Variants in CFAP97 observed in about 807,000 individuals in gnomAD.
CFAP97 encodes the protein cilia- and flagella-associated protein 97.
A neutral mutation model predicts 43.1 loss-of-function variants in CFAP97; 36 were observed. The ratio of observed to expected loss-of-function variants is 0.84; its 90% CI spans 0.64 to 1.10. CFAP97 has a LOEUF of 1.10. CFAP97 is among the 50% of genes least tolerant of loss of function. The pLI, the probability that CFAP97 is intolerant of heterozygous loss-of-function variation, is 0.00. For missense variants in CFAP97, 657 were observed against 620.3 expected (o/e 1.06, Z -0.63); for synonymous variants, 228 against 225.7 (o/e 1.01, Z -0.09).
chr4:185,198,129 G>A (rs6849724), intron 1 of CFAP97, among the ~76,000 whole-genome samples: 76,216 of 151,602 alleles, frequency 0.5, 19,347 homozygotes, highest in East Asian at 0.6. Context: ...ACCTGAGGCT[G>A]TCTCATAAGG....
At chr4:185,207,171 C>A (rs1737222737), upstream of CFAP97, among the ~76,000 whole-genome samples, 1 of 150,540 alleles carries the variant, frequency 6.6e-6, no homozygotes, top group South Asian at 2.1e-4. Flanking sequence ...CAGGTAATCC[C>A]AATCCAGTCA....
rs1486606306 is a variant in CFAP97, at chr4:185,199,201, C to T, written c.-17+4697G>A. On this transcript the variant is annotated intron_variant, in intron 1 of 4. Transcript: ENST00000458385. ...CAGCCTGAGCAACAGGGCGAAACCC[C>T]ATCTCTACAAAAAGAGAAAAATTAG... 2.6e-5 allele frequency among the ~76,000 whole-genome samples: 4 copies of T among 152,102 alleles called. 1 individual carries two copies. Among genetic ancestry groups the T allele is most frequent in the Non-Finnish European group, 5.9e-5 (4 of 68,020 alleles).
chr4:185,209,952 G>A, upstream of CFAP97: 1 of 983,656 alleles, frequency 1.0e-6, no homozygotes, highest in Non-Finnish European at 1.2e-6. This position sits in a 1 kb window ranked among gnomAD's most constrained non-coding sequence, Gnocchi z 5.2. Flanking sequence ...GGGACGCGGA[G>A]GCAGCAGCAG....
upstream of CFAP97, among the ~76,000 whole-genome samples, chr4:185,205,911 G>A (rs1382502259): frequency 6.6e-6 from 1 of 152,092 alleles, no homozygotes; most frequent in Non-Finnish European, 1.5e-5. Context: ...TATACCAATG[G>A]CCAATAAACA....
intron 2 of CFAP97, among the ~76,000 whole-genome samples, chr4:185,176,605 T>C (rs1036766630): frequency 1.3e-5 from 2 of 152,188 alleles, no homozygotes; most frequent in Non-Finnish European, 2.9e-5. Context: ...AAAATGTATA[T>C]AGTACTGGTC....
chr4:185,181,811 G>A (rs1428427204), intron 2 of CFAP97, among the ~76,000 whole-genome samples: 1 of 152,138 alleles, frequency 6.6e-6, no homozygotes, highest in Non-Finnish European at 1.5e-5. Context: ...CCTGCAGTTT[G>A]CCAGGAAGAA....
intron 1 of CFAP97, among the ~76,000 whole-genome samples, chr4:185,192,297 A>G (rs1736296890): frequency 6.6e-6 from 1 of 152,224 alleles, no homozygotes; most frequent in Admixed American, 6.5e-5. Flanking sequence ...TCACTGTGTT[A>G]AAGGGGGTCT....
In CFAP97 at chr4:185,190,563, A is replaced by G. The variant is rs568457865; in HGVS notation, c.634T>C (p.Ser212Pro). Residue 212 changes from serine (S) to proline (P), a missense_variant, in exon 2 of 5, where the codon TCT (serine) becomes CCT (proline). Coordinates refer to ENST00000458385, the MANE Select transcript of CFAP97 (RefSeq NM_020827.3). ...TTTGGTGACAGGAGGGTTATACCAG[A>G]TACATGTTTCTTAGATGACTTAGAT... The part of the protein sequence containing the change: ...PSSKSSKKHV[S>P]GITLLSPKHK... 33 of 1,613,918 alleles carry G rather than the reference A, an allele frequency of 2.0e-5. No homozygotes were observed. The highest frequency in any genetic ancestry group is 1.6e-4 in the Middle Eastern group (1 of 6,062).
chr4:185,192,516 G>A (rs2111396422), intron 1 of CFAP97, among the ~76,000 whole-genome samples: 1 of 152,074 alleles, frequency 6.6e-6, no homozygotes, highest in Middle Eastern at 3.4e-3. Context: ...TAGTTGACCT[G>A]TAAATTTATG....
chr4:185,191,223 A>AC lies in CFAP97; in HGVS notation c.-16-12_-16-11insG, dbSNP rs754438192. 6.8e-7 allele frequency: 1 copy of AC among 1,461,600 alleles called. No homozygotes were observed. The highest frequency in any genetic ancestry group is 1.4e-5 in the South Asian group (1 of 70,074). The allele number at this position is 1,461,600 out of a possible 1,614,324, so 90.5% of individuals were successfully genotyped here. A position where few individuals can be genotyped will look rare whatever the true frequency, so the allele number is the denominator to read the frequency against. On this transcript the variant is annotated splice_polypyrimidine_tract_variant and intron_variant, in intron 1 of 4. Transcript: ENST00000458385. ...ATGGCAAAAATATATCTGAAAAAAA[A>AC]ATGTAAACATCAGACTAAAGAGTGA...
Position 185,190,911 on chromosome 4 carries a change from C to T in CFAP97, c.286G>A (p.Ala96Thr). The T allele has an allele frequency of 6.2e-7, 1 of 1,613,552 alleles. No individual in the cohort carries two copies. The highest frequency in any genetic ancestry group is 2.2e-5 in the East Asian group (1 of 44,878). Residue 96 changes from alanine to threonine, a missense_variant, in exon 2 of 5, where the codon GCC becomes ACC. Physicochemically the swap from Ala to Thr is moderately conservative, Grantham distance 58 (BLOSUM62 0). Transcript: ENST00000458385. Reference sequence around the variant, plus strand: ...CACAATTTTTTTGATCTTGAAGAGGCTGGCAATGAGAAAGAACTTACAGTT... The same window carrying T: ...CACAATTTTTTTGATCTTGAAGAGGTTGGCAATGAGAAAGAACTTACAGTT... ...TQTVSSFSLPASSRSKKLCDV... is the reference protein window; with the variant it reads ...TQTVSSFSLPTSSRSKKLCDV...
intron 3 of CFAP97, among the ~76,000 whole-genome samples, chr4:185,174,907 G>A (rs2111340633): frequency 6.6e-6 from 1 of 152,270 alleles, no homozygotes; most frequent in Middle Eastern, 3.4e-3. Flanking sequence ...AAGAAAATAT[G>A]CTATAATAGT....
At chr4:185,200,170 G>A (rs72704036) in intron 1 of CFAP97, among the ~76,000 whole-genome samples, 1 of 152,320 alleles carries the variant, frequency 6.6e-6, no homozygotes, top group Non-Finnish European at 1.5e-5. Context: ...AACTTTAAGG[G>A]ATTTAAGACT....
intron 2 of CFAP97, among the ~76,000 whole-genome samples, chr4:185,185,547 G>A (rs989898294): frequency 2.6e-5 from 4 of 151,490 alleles, no homozygotes; most frequent in Middle Eastern, 3.5e-3. Context: ...CCATGAGTTT[G>A]ACAGCTTCTC....
chr4:185,196,550 T>G (rs2111410918), intron 1 of CFAP97, among the ~76,000 whole-genome samples: 1 of 151,932 alleles, frequency 6.6e-6, no homozygotes, highest in Non-Finnish European at 1.5e-5. Flanking sequence ...ATGCATTGAG[T>G]GTACTAGGCC....
chr4:185,197,046 C>T (rs1736580949), intron 1 of CFAP97, among the ~76,000 whole-genome samples: 1 of 141,278 alleles, frequency 7.1e-6, no homozygotes, highest in African/African-American at 2.7e-5. Context: ...TTGCAGTGAG[C>T]TGATATTTTG....
chr4:185,163,930 G>C, intron 4 of CFAP97, 99 bp downstream of exon 4: 2 of 1,040,032 alleles, frequency 1.9e-6, no homozygotes, highest in Non-Finnish European at 2.8e-6. Context: ...ACGCATTCCA[G>C]AGTTGGCATT....
At chr4:185,200,434 G>C (rs762982866) in intron 1 of CFAP97, among the ~76,000 whole-genome samples, 5 of 152,222 alleles carry the variant, frequency 3.3e-5, no homozygotes, top group Non-Finnish European at 7.3e-5. Context: ...GAGGACAGTA[G>C]TTCGAGACCA....
At chr4:185,195,244 T>TTAGGGAGGCCAA (rs1736485937) in intron 1 of CFAP97, among the ~76,000 whole-genome samples, 1 of 152,084 alleles carries the variant, frequency 6.6e-6, no homozygotes, top group Non-Finnish European at 1.5e-5. Context: ...ATCTCAGCAG[T>TTAGGGAGGCCAA]TAGGGAGGCC....
Sources: allele counts gnomAD v4.1 joint callset (sites outside exome capture counted in the v4.1 genomes callset), GRCh38; gene constraint gnomAD v4.1.1; non-coding constraint Gnocchi (gnomAD v3.1); transcripts MANE v1.5; gene names NCBI Gene and HGNC (gene_info 2026-07-23, HGNC 2026-07-21).